The following PTPRD variants were observed in gnomAD, a reference collection of about 807,000 sequenced individuals.
The protein encoded by PTPRD is protein tyrosine phosphatase receptor type D.
In PTPRD, 34 loss-of-function variants were observed where a neutral mutation model predicts 214.5. The observed-to-expected ratio is 0.16, with a 90% confidence interval of 0.12 to 0.21. The LOEUF is 0.21. Ranked by LOEUF, PTPRD falls within the 10% of genes least tolerant of loss-of-function variation. PTPRD has a pLI of 1.00. For synonymous variants in PTPRD, 1,128 were observed against 845.7 expected (o/e 1.33, Z -5.79); for missense variants, 2,545 against 2,398.7 (o/e 1.06, Z -1.27).
intron 3 of PTPRD, among the ~76,000 whole-genome samples, chr9:10,062,473 G>C (rs911122227): frequency 9.2e-5 from 14 of 152,022 alleles, no homozygotes; most frequent in Non-Finnish European, 1.9e-4. Context: ...GGGCGTGGTG[G>C]CAGCAGCCTG....
rs80304891 is a variant in PTPRD, at chr9:9,798,998, C to T, written c.-367-32147G>A. ...AGTTGGGACATTTTTCACATTAGAT[C>T]CCCATCTTACTTATTAACGTAACAT... On this transcript the variant is annotated intron_variant, in intron 5 of 45. Coordinates refer to ENST00000381196, the MANE Select transcript of PTPRD (RefSeq NM_002839.4). Among the ~76,000 whole-genome samples, 803 of 152,200 alleles carry T rather than the reference C, an allele frequency of 5.3e-3. 35 individuals carry two copies. The East Asian group carries it at 0.13, about 24-fold the overall frequency.
chr9:8,524,018 C>A (rs1680608005), intron 18 of PTPRD, among the ~76,000 whole-genome samples: 1 of 152,002 alleles, frequency 6.6e-6, no homozygotes, highest in South Asian at 2.1e-4. Context: ...ATCCCACCCC[C>A]ACCCATGCCT....
At chr9:9,953,236 G>C (rs1366945376) in intron 4 of PTPRD, among the ~76,000 whole-genome samples, 1 of 152,110 alleles carries the variant, frequency 6.6e-6, no homozygotes, top group South Asian at 2.1e-4. Context: ...AGTAAAATTT[G>C]TGCACGCAGA....
At chr9:8,784,965 G>C (rs932590953) in intron 11 of PTPRD, among the ~76,000 whole-genome samples, 3 of 152,062 alleles carry the variant, frequency 2.0e-5, no homozygotes, top group Non-Finnish European at 4.4e-5. Context: ...CAAATGATCA[G>C]GGACTCCGAG....
chr9:8,337,775 G>A (rs1398573190), intron 43 of PTPRD, among the ~76,000 whole-genome samples: 5 of 152,168 alleles, frequency 3.3e-5, no homozygotes, highest in South Asian at 4.1e-4. Context: ...GTGGGGCCTG[G>A]TGCCTTTTCT....
chr9:10,454,246 T>G (rs1214267582), intron 2 of PTPRD, among the ~76,000 whole-genome samples: 2 of 151,596 alleles, frequency 1.3e-5, no homozygotes, highest in African/African-American at 4.8e-5. Context: ...TTCCTTGCTT[T>G]CCTGAACATT....
At chr9:9,612,192 T>G (rs760292822) in intron 7 of PTPRD, among the ~76,000 whole-genome samples, 21 of 152,072 alleles carry the variant, frequency 1.4e-4, no homozygotes, top group Admixed American at 2.6e-4. Context: ...TGGAAAGATG[T>G]TTCATTATAC....
intron 7 of PTPRD, among the ~76,000 whole-genome samples, chr9:9,705,782 A>G (rs550314446): frequency 6.6e-6 from 1 of 152,338 alleles, no homozygotes; most frequent in African/African-American, 2.4e-5. Flanking sequence ...TTTTAAATTA[A>G]ATATCTTTAT....
chr9:9,467,611 G>T (rs1019650759), intron 8 of PTPRD, among the ~76,000 whole-genome samples: 59 of 46,414 alleles, frequency 1.3e-3, no homozygotes, highest in Middle Eastern at 0.012. Flanking sequence ...AAAAAAAAAA[G>T]TTGAGCAGAA....
intron 6 of PTPRD, among the ~76,000 whole-genome samples, chr9:9,755,529 T>C (rs562705765): frequency 3.7e-4 from 56 of 152,234 alleles, no homozygotes; most frequent in African/African-American, 1.3e-3. Context: ...CAATCAGTTT[T>C]ATATTTTTCT....
intron 12 of PTPRD, among the ~76,000 whole-genome samples, chr9:8,715,809 A>G (rs1007538190): frequency 1.3e-5 from 2 of 152,250 alleles, no homozygotes; most frequent in South Asian, 2.1e-4. Context: ...TCTAGAGACA[A>G]TTACAACAAA....
chr9:9,333,171 T>C (rs545816016), intron 9 of PTPRD, among the ~76,000 whole-genome samples: 3 of 151,924 alleles, frequency 2.0e-5, no homozygotes, highest in East Asian at 1.9e-4. Context: ...AGAGATAATA[T>C]AGAATACATA....
chr9:9,137,559 C>G (rs1276403028), intron 10 of PTPRD, among the ~76,000 whole-genome samples: 1 of 152,118 alleles, frequency 6.6e-6, no homozygotes, highest in Non-Finnish European at 1.5e-5. Context: ...ATAGAATAAT[C>G]AAGGGTGCAT....
chr9:8,537,061 T>C (rs1163937563), intron 14 of PTPRD, among the ~76,000 whole-genome samples: 2 of 152,034 alleles, frequency 1.3e-5, no homozygotes, highest in Admixed American at 1.3e-4. Context: ...ATAAAGCTTT[T>C]ATTTTCACCA....
chr9:9,610,966 A>G (rs534802176), intron 7 of PTPRD, among the ~76,000 whole-genome samples: 1 of 152,192 alleles, frequency 6.6e-6, no homozygotes, highest in Non-Finnish European at 1.5e-5. Context: ...GGCAAAAACA[A>G]GCAATTAGGC....
In PTPRD at chr9:10,366,946, G is replaced by C. The variant is rs114143404; in HGVS notation, c.-599-25929C>G. Among the ~76,000 whole-genome samples the C allele has an allele frequency of 8.1e-3, 1,228 of 152,122 alleles. 18 individuals are homozygous for C. The highest frequency in any genetic ancestry group is 0.027 in the African/African-American group (1,139 of 41,500). ...ATGATTAGGAAGAAGGAAGTTTCTT[G>C]GCTTTATTTCATGACCTGGGTGGTG... On this transcript the variant is annotated intron_variant, in intron 2 of 45. Transcript: ENST00000381196.
chr9:9,051,399 G>C (rs1223971277), intron 10 of PTPRD, among the ~76,000 whole-genome samples: 2 of 152,058 alleles, frequency 1.3e-5, no homozygotes, highest in African/African-American at 4.8e-5. Flanking sequence ...TATTTATTCA[G>C]GTGAAAGTAT....
rs1555494944 is a variant in PTPRD, at chr9:10,031,647, T to TACACACACACAC, written c.-472+2059_-472+2070dup. Among the ~76,000 whole-genome samples the TACACACACACAC allele has an allele frequency of 1.7e-3, 151 of 89,274 alleles. 2 individuals carry two copies. The highest frequency in any genetic ancestry group is 7.6e-3 in the East Asian group (16 of 2,114). The allele number at this position is 89,274 out of a possible 152,430, so 58.6% of individuals were successfully genotyped here. On this transcript the variant is annotated intron_variant, in intron 4 of 45. Transcript: ENST00000381196. ...CTCCATATATATATATATATATATATACACACACACACACACACATACACA... is the reference window on the plus strand; with the variant it reads ...CTCCATATATATATATATATATATATACACACACACACACACACACACACACACACATACACA...
At chr9:10,248,566 T>C (rs145296722) in intron 3 of PTPRD, among the ~76,000 whole-genome samples, 1 of 146,926 alleles carries the variant, frequency 6.8e-6, no homozygotes, top group Non-Finnish European at 1.5e-5. Context: ...ATAGATTATC[T>C]GACCAAATTA....
Sources: gnomAD v4.1 joint callset for allele counts (sites outside exome capture counted in the v4.1 genomes callset) on GRCh38, gnomAD v4.1.1 for gene constraint, MANE v1.5 for transcripts, NCBI Gene and HGNC (gene_info 2026-07-23, HGNC 2026-07-21) for gene names.